CRADD: variants seen among roughly 807,000 people sequenced by gnomAD.
The protein encoded by CRADD is death domain-containing protein CRADD.
In CRADD, 9 loss-of-function variants were observed where a neutral mutation model predicts 15.5. That is an observed-to-expected ratio of 0.58 (90% CI 0.35 to 1.01). CRADD has a LOEUF of 1.01. CRADD is among the 50% of genes least tolerant of loss of function. CRADD has a pLI of 0.02. For missense variants in CRADD, 227 were observed against 250.3 expected (o/e 0.91, Z 0.63); for synonymous variants, 118 against 107.6 (o/e 1.10, Z -0.60).
intron 2 of CRADD, among the ~76,000 whole-genome samples, chr12:93,799,766 T>C (rs892764944): frequency 2.0e-5 from 3 of 152,210 alleles, no homozygotes; most frequent in Non-Finnish European, 4.4e-5. Context: ...CTCATTGCTG[T>C]AGGGGTATAG....
At position 93,862,710 on chromosome 12, in the gene CRADD, G is replaced by T. The variant is rs565151807; in HGVS notation, c.299-31340G>T. 1.5e-3 allele frequency among the ~76,000 whole-genome samples: 232 copies of T among 152,332 alleles called. 1 individual carries two copies. The highest frequency in any genetic ancestry group is 0.013 in the South Asian group (63 of 4,820). ...AAATCTCAACACTTTTAAAGTGCCA[G>T]TGTGAACTGTGAATCTCCAAATCAG... On this transcript the variant is annotated intron_variant, in intron 2 of 2. Coordinates refer to the CRADD transcript ENST00000548483.
intron 2 of CRADD, among the ~76,000 whole-genome samples, chr12:93,780,067 G>A (rs891285468): frequency 6.6e-6 from 1 of 152,136 alleles, no homozygotes; most frequent in Non-Finnish European, 1.5e-5. Flanking sequence ...GAATGTTAAA[G>A]ACAACAAGAA....
chr12:93,721,626 C>G (rs1388423185), intron 2 of CRADD, among the ~76,000 whole-genome samples: 2 of 152,104 alleles, frequency 1.3e-5, no homozygotes, highest in Non-Finnish European at 2.9e-5. Context: ...AGTATAACAA[C>G]TATTTGCATA....
chr12:93,805,810 G>A (rs1436879740), intron 2 of CRADD, among the ~76,000 whole-genome samples: 1 of 152,112 alleles, frequency 6.6e-6, no homozygotes, highest in Non-Finnish European at 1.5e-5. Context: ...TGTAGCAAAT[G>A]CCTTGGTGAT....
intron 2 of CRADD, among the ~76,000 whole-genome samples, chr12:93,783,700 C>T (rs1040551279): frequency 1.3e-5 from 2 of 152,094 alleles, no homozygotes; most frequent in Admixed American, 1.3e-4. Context: ...ATTTGATAAT[C>T]TTTTTTGTTA....
chr12:93,730,649 T>G (rs1956446939), intron 2 of CRADD, among the ~76,000 whole-genome samples: 1 of 152,092 alleles, frequency 6.6e-6, no homozygotes, highest in African/African-American at 2.4e-5. Context: ...GAAAGATGGG[T>G]TAAATGAGTT....
At chr12:93,883,353 T>C (rs530335970) in intron 2 of CRADD, among the ~76,000 whole-genome samples, 27 of 152,358 alleles carry the variant, frequency 1.8e-4, no homozygotes, top group African/African-American at 6.5e-4. Context: ...CCCTACACTT[T>C]TGACATTTAA....
chr12:93,785,773 A>C (rs73220859), intron 2 of CRADD, among the ~76,000 whole-genome samples: 2 of 152,320 alleles, frequency 1.3e-5, no homozygotes, highest in Non-Finnish European at 2.9e-5. Context: ...GCCAGTGAGA[A>C]TCTGAGTAGC....
At chr12:93,723,546 TC>T in intron 2 of CRADD, among the ~76,000 whole-genome samples, 1 of 152,316 alleles carries the variant, frequency 6.6e-6, no homozygotes, top group Non-Finnish European at 1.5e-5. Flanking sequence ...CTCCAAATTA[TC>T]CTTGAAGAAC....
chr12:93,744,077 T>TG (rs1011809662), intron 2 of CRADD, among the ~76,000 whole-genome samples: 2 of 152,210 alleles, frequency 1.3e-5, no homozygotes, highest in African/African-American at 4.8e-5. Context: ...TTACCACAAA[T>TG]GTAGTGGCTT....
chr12:93,682,659 T>C (rs1209330632), intron 2 of CRADD, among the ~76,000 whole-genome samples: 1 of 152,216 alleles, frequency 6.6e-6, no homozygotes, highest in African/African-American at 2.4e-5. Flanking sequence ...ACTTATGTGC[T>C]GGATGTAATT....
intron 2 of CRADD, among the ~76,000 whole-genome samples, chr12:93,789,438 C>T (rs763113883): frequency 7.2e-5 from 11 of 152,076 alleles, no homozygotes; most frequent in Admixed American, 2.6e-4. Context: ...GACAGGATGA[C>T]GATTGGTTTA....
chr12:93,881,484 G>T (rs933843547), intron 2 of CRADD, among the ~76,000 whole-genome samples: 2 of 151,908 alleles, frequency 1.3e-5, no homozygotes, highest in African/African-American at 4.8e-5. Flanking sequence ...CAAGAAAATG[G>T]TTTTTCTTTT....
chr12:93,786,888 C>G (rs977797757), intron 2 of CRADD, among the ~76,000 whole-genome samples: 4 of 152,140 alleles, frequency 2.6e-5, no homozygotes, highest in African/African-American at 9.7e-5. Context: ...GCTGCATGCC[C>G]TACTATGTAC....
chr12:93,831,074 T>G (rs1485033470), intron 2 of CRADD: 4 of 152,204 alleles, frequency 2.6e-5, no homozygotes, highest in Non-Finnish European at 4.4e-5. Context: ...ATTTGAAACA[T>G]TGCCAGGCAC....
intron 2 of CRADD, among the ~76,000 whole-genome samples, chr12:93,750,496 A>G (rs1008569996): frequency 2.0e-5 from 3 of 152,188 alleles, no homozygotes; most frequent in Non-Finnish European, 4.4e-5. Context: ...GTCCTATAGA[A>G]TATTCACATA....
chr12:93,871,465 A>G (rs933864749), intron 2 of CRADD, among the ~76,000 whole-genome samples: 1 of 152,196 alleles, frequency 6.6e-6, no homozygotes. Flanking sequence ...ATTATTGACT[A>G]TAGTCACCCT....
intron 2 of CRADD, among the ~76,000 whole-genome samples, chr12:93,847,589 C>T (rs1958145276): frequency 6.8e-6 from 1 of 146,318 alleles, no homozygotes; most frequent in African/African-American, 2.5e-5. Flanking sequence ...AGAAAAGCCA[C>T]AGATGAAGAA....
At chr12:93,800,008 G>A (rs1445364881) in intron 2 of CRADD, among the ~76,000 whole-genome samples, 1 of 152,136 alleles carries the variant, frequency 6.6e-6, no homozygotes, top group South Asian at 2.1e-4. Context: ...GTTCTCCAGA[G>A]GAACAGACTT....
Sources: gnomAD v4.1 joint callset for allele counts (sites outside exome capture counted in the v4.1 genomes callset) on GRCh38, gnomAD v4.1.1 for gene constraint, MANE v1.5 for transcripts, NCBI Gene and HGNC (gene_info 2026-07-23, HGNC 2026-07-21) for gene names.